The following ADAMTS17 variants were observed in gnomAD, a reference collection of about 807,000 sequenced individuals.
ADAMTS17 encodes the protein A disintegrin and metalloproteinase with thrombospondin motifs 17.
In ADAMTS17, 113 loss-of-function variants were observed where a neutral mutation model predicts 141.5. That is an observed-to-expected ratio of 0.80 (90% CI 0.69 to 0.93). The LOEUF is 0.93. Ranked by LOEUF, ADAMTS17 falls within the 40% of genes least tolerant of loss-of-function variation. The pLI is 0.00. For missense variants in ADAMTS17, 1,659 were observed against 1,517.9 expected, an observed-to-expected ratio of 1.09 and a Z score of -1.54; for synonymous variants, 768 against 630.6, an observed-to-expected ratio of 1.22 and a Z score of -3.27.
intron 7 of ADAMTS17, among the ~76,000 whole-genome samples, chr15:100,247,941 C>A (rs1339557179): frequency 6.6e-6 from 1 of 152,182 alleles, no homozygotes; most frequent in Non-Finnish European, 1.5e-5. Context: ...GCAGTGGGCA[C>A]GTCTACCAAG....
intron 8 of ADAMTS17, among the ~76,000 whole-genome samples, chr15:100,187,211 T>C (rs1400303183): frequency 2.0e-5 from 3 of 152,162 alleles, no homozygotes; most frequent in Non-Finnish European, 2.9e-5. Flanking sequence ...GTGATAACGT[T>C]AGAGCAGGCA....
chr15:100,246,134 C>T (rs1330883706), intron 7 of ADAMTS17, among the ~76,000 whole-genome samples: 2 of 152,172 alleles, frequency 1.3e-5, no homozygotes, highest in East Asian at 1.9e-4. Context: ...ATTGGCATTC[C>T]GGAGGAAATA....
chr15:100,230,077 C>A (rs1232898041), intron 7 of ADAMTS17, among the ~76,000 whole-genome samples: 1 of 152,232 alleles, frequency 6.6e-6, no homozygotes, highest in African/African-American at 2.4e-5. Context: ...GGCCAAGCTG[C>A]ACGAGCATAA....
chr15:100,227,641 A>G (rs552596873), intron 7 of ADAMTS17, among the ~76,000 whole-genome samples: 1 of 152,324 alleles, frequency 6.6e-6, no homozygotes, highest in East Asian at 1.9e-4. Flanking sequence ...CAGCTGCAGA[A>G]GCCCTAAGCA....
intron 12 of ADAMTS17, chr15:100,129,377 C>T (rs1216525751): frequency 6.6e-6 from 1 of 152,218 alleles, no homozygotes; most frequent in Non-Finnish European, 1.5e-5. Flanking sequence ...ACACCAAGGA[C>T]TTTCTGTGCA....
At chr15:100,168,113 G>A (rs893297057) in intron 8 of ADAMTS17, among the ~76,000 whole-genome samples, 4 of 152,314 alleles carry the variant, frequency 2.6e-5, no homozygotes, top group Admixed American at 1.3e-4. Context: ...CCTTCCTCAG[G>A]CCCCACTGTA....
chr15:100,161,039 C>T (rs564600762), intron 8 of ADAMTS17, among the ~76,000 whole-genome samples: 7 of 152,318 alleles, frequency 4.6e-5, no homozygotes, highest in African/African-American at 1.4e-4. Flanking sequence ...GTAATTTTAA[C>T]TTTCAGTGAC....
intron 16 of ADAMTS17, among the ~76,000 whole-genome samples, 198 bp from the exon 17 acceptor site, chr15:100,051,929 G>C (rs1266988058): frequency 6.6e-6 from 1 of 152,164 alleles, no homozygotes; most frequent in East Asian, 1.9e-4. Flanking sequence ...CTGAGGAGTG[G>C]GGTGAATGCA....
chr15:100,198,021 T>C (rs1260034422), intron 8 of ADAMTS17, among the ~76,000 whole-genome samples: 2 of 152,060 alleles, frequency 1.3e-5, no homozygotes, highest in African/African-American at 4.8e-5. Context: ...CAGGGCCTGT[T>C]AGGGGATGGA....
chr15:100,273,128 A>G (rs950719177), intron 4 of ADAMTS17, among the ~76,000 whole-genome samples: 3 of 152,072 alleles, frequency 2.0e-5, no homozygotes, highest in Non-Finnish European at 1.5e-5. Context: ...GTCAATGAAT[A>G]TTTGAACTAT....
At chr15:100,181,399 C>A (rs894268676) in intron 8 of ADAMTS17, among the ~76,000 whole-genome samples, 1 of 152,200 alleles carries the variant, frequency 6.6e-6, no homozygotes, top group Non-Finnish European at 1.5e-5. Context: ...ACCATAGCCA[C>A]CACAGATGGA....
intron 7 of ADAMTS17, among the ~76,000 whole-genome samples, chr15:100,250,332 A>G (rs1273048103): frequency 3.3e-5 from 5 of 152,236 alleles, no homozygotes; most frequent in South Asian, 2.1e-4. Flanking sequence ...CCTTTCCTAC[A>G]GAACTCAAGA....
intron 3 of ADAMTS17, among the ~76,000 whole-genome samples, chr15:100,286,192 C>T (rs897538279): frequency 5.9e-5 from 9 of 152,174 alleles, no homozygotes; most frequent in Non-Finnish European, 7.3e-5. Context: ...CCGGCACACA[C>T]GTATTGGCAG....
At chr15:100,304,641 C>T (rs187933152) in intron 3 of ADAMTS17, among the ~76,000 whole-genome samples, 11 of 152,274 alleles carry the variant, frequency 7.2e-5, no homozygotes, top group African/African-American at 1.4e-4. Flanking sequence ...TTTCCTTTGC[C>T]TCCTGAGGGA....
intron 18 of ADAMTS17, among the ~76,000 whole-genome samples, chr15:100,046,183 C>T (rs1208127267): frequency 6.6e-6 from 1 of 152,166 alleles, no homozygotes; most frequent in African/African-American, 2.4e-5. Flanking sequence ...ACCTAGGCTG[C>T]TTTCTAGCTT....
intron 3 of ADAMTS17, among the ~76,000 whole-genome samples, chr15:100,282,556 G>C (rs1253843223): frequency 2.0e-5 from 3 of 152,244 alleles, no homozygotes; most frequent in African/African-American, 7.2e-5. Context: ...AAAGTTATGT[G>C]AATGAGGTCT....
chr15:100,064,835 G>A (rs889830786), intron 15 of ADAMTS17, among the ~76,000 whole-genome samples: 1 of 152,200 alleles, frequency 6.6e-6, no homozygotes, highest in Non-Finnish European at 1.5e-5. Context: ...TGAAACGTAG[G>A]CTGGTAATAA....
At chr15:100,074,379 A>C (rs549781666) in intron 15 of ADAMTS17, among the ~76,000 whole-genome samples, 1 of 145,694 alleles carries the variant, frequency 6.9e-6, no homozygotes, top group Non-Finnish European at 1.5e-5. Flanking sequence ...TATTTTATGC[A>C]TAATATAATC....
chr15:100,193,194 G>T (rs1480130128), intron 8 of ADAMTS17, among the ~76,000 whole-genome samples: 1 of 152,232 alleles, frequency 6.6e-6, no homozygotes, highest in Non-Finnish European at 1.5e-5. Flanking sequence ...GCTTCTGCCC[G>T]GCCCATTATT....
Sources: allele counts gnomAD v4.1 joint callset (sites outside exome capture counted in the v4.1 genomes callset), GRCh38; gene constraint gnomAD v4.1.1; transcripts MANE v1.5; gene names NCBI Gene and HGNC (gene_info 2026-07-23, HGNC 2026-07-21).